The following SUMF1 variants were observed in gnomAD, a reference collection of about 807,000 sequenced individuals.
SUMF1 encodes the protein sulfatase modifying factor 1.
In SUMF1, 48 loss-of-function variants were observed where a neutral mutation model predicts 47.6. The ratio of observed to expected loss-of-function variants is 1.01; its 90% CI spans 0.80 to 1.28. SUMF1 has a LOEUF of 1.28. Among genes scored for constraint, SUMF1 ranks in the 50% most tolerant of loss-of-function variants. SUMF1 has a pLI of 0.00. For synonymous variants in SUMF1, 230 were observed against 192.1 expected, an observed-to-expected ratio of 1.20 and a Z score of -1.63; for missense variants, 571 against 485.4, an observed-to-expected ratio of 1.18 and a Z score of -1.66.
chr3:4,130,017 A>C (rs1693748812), intron 8 of SUMF1, among the ~76,000 whole-genome samples: 1 of 152,182 alleles, frequency 6.6e-6, no homozygotes, highest in Non-Finnish European at 1.5e-5. Context: ...GCCCCTACCT[A>C]GAAAAATAGT....
At chr3:4,402,026 G>T (rs1419892058) in intron 7 of SUMF1, among the ~76,000 whole-genome samples, 1 of 152,106 alleles carries the variant, frequency 6.6e-6, no homozygotes, top group Non-Finnish European at 1.5e-5. Flanking sequence ...ATATGTTGCA[G>T]AAAAACAAGA....
At chr3:4,165,434 G>T (rs568782784) in intron 8 of SUMF1, among the ~76,000 whole-genome samples, 2 of 152,068 alleles carry the variant, frequency 1.3e-5, no homozygotes, top group African/African-American at 4.8e-5. Flanking sequence ...CCTTCTGGGT[G>T]GGGGAGATTA....
At chr3:4,361,014 C>T (rs1699738515), downstream of SUMF1, 2 of 152,190 alleles carry the variant, frequency 1.3e-5, no homozygotes, top group Admixed American at 6.5e-5. Flanking sequence ...ACAAATTACC[C>T]ACATATCAAA....
intron 8 of SUMF1, among the ~76,000 whole-genome samples, chr3:4,275,924 G>C (rs186917458): frequency 1.1e-4 from 16 of 152,226 alleles, no homozygotes; most frequent in Admixed American, 6.5e-4. Context: ...AGAATCCTAA[G>C]AAAACCTGGA....
At chr3:4,324,065 G>T (rs565113414) in intron 8 of SUMF1, among the ~76,000 whole-genome samples, 1 of 152,246 alleles carries the variant, frequency 6.6e-6, no homozygotes, top group East Asian at 1.9e-4. Context: ...CAGCATAAGT[G>T]ATAGCTTATG....
At chr3:4,438,727 T>G (rs985411104) in intron 3 of SUMF1, among the ~76,000 whole-genome samples, 1 of 152,082 alleles carries the variant, frequency 6.6e-6, no homozygotes, top group African/African-American at 2.4e-5. Context: ...AACAACACTC[T>G]CAGCAATTAC....
At chr3:4,300,800 C>A (rs1048632044) in intron 8 of SUMF1, among the ~76,000 whole-genome samples, 3 of 152,084 alleles carry the variant, frequency 2.0e-5, no homozygotes, top group African/African-American at 7.2e-5. Flanking sequence ...AGTTCCCACC[C>A]CACTTTAAAG....
chr3:4,177,708 A>C (rs1694997512), intron 8 of SUMF1, among the ~76,000 whole-genome samples: 1 of 152,162 alleles, frequency 6.6e-6, no homozygotes, highest in African/African-American at 2.4e-5. Flanking sequence ...AGTGAAGGAG[A>C]TAGAGACACA....
chr3:4,095,815 T>C (rs1045317993), intron 8 of SUMF1, among the ~76,000 whole-genome samples: 1 of 152,154 alleles, frequency 6.6e-6, no homozygotes, highest in Non-Finnish European at 1.5e-5. Context: ...TACATAACTT[T>C]ATTATTTCTT....
chr3:4,378,111 ATAT>A (rs1218612277), intron 7 of SUMF1, among the ~76,000 whole-genome samples: 1 of 152,214 alleles, frequency 6.6e-6, no homozygotes. Context: ...TAAGTTGAAA[ATAT>A]TATTAAGTCA....
intron 8 of SUMF1, among the ~76,000 whole-genome samples, chr3:4,070,696 C>T (rs896650755): frequency 1.4e-4 from 22 of 151,856 alleles, no homozygotes; most frequent in African/African-American, 3.9e-4. Context: ...AGTGCAGTGG[C>T]GCCATCTTGG....
chr3:4,209,747 A>C (rs1331031281), intron 8 of SUMF1, among the ~76,000 whole-genome samples: 1 of 152,196 alleles, frequency 6.6e-6, no homozygotes, highest in East Asian at 1.9e-4. Context: ...TTTTAGAAAG[A>C]TAAGCATTTA....
intron 8 of SUMF1, among the ~76,000 whole-genome samples, chr3:4,368,127 A>T (rs1389237430): frequency 2.0e-5 from 3 of 152,230 alleles, no homozygotes; most frequent in African/African-American, 7.2e-5. Flanking sequence ...AATGAAGTCT[A>T]ACAAATTTAC....
chr3:4,213,781 T>C (rs756698705), intron 8 of SUMF1, among the ~76,000 whole-genome samples: 3 of 152,074 alleles, frequency 2.0e-5, no homozygotes, highest in Non-Finnish European at 4.4e-5. Flanking sequence ...TAAAACAGAC[T>C]TTAAACCAAC....
chr3:4,147,240 T>G (rs1174625375), intron 8 of SUMF1, among the ~76,000 whole-genome samples: 2 of 152,218 alleles, frequency 1.3e-5, no homozygotes, highest in East Asian at 3.9e-4. Context: ...GTTCAACCAT[T>G]GTGGAAGTCA....
chr3:4,422,767 CT>C (rs747104214), intron 3 of SUMF1, among the ~76,000 whole-genome samples: 3,806 of 149,660 alleles, frequency 0.025, 162 homozygotes, highest in African/African-American at 0.085. Flanking sequence ...TCTTTTCTTC[CT>C]TTTTTTTTTT....
chr3:4,161,366 G>T (rs1446860240), intron 8 of SUMF1, among the ~76,000 whole-genome samples: 1 of 152,126 alleles, frequency 6.6e-6, no homozygotes. Context: ...AGCCAGCAAG[G>T]CTTGTGTCCT....
chr3:4,331,926 A>G (rs1415210931), intron 8 of SUMF1, among the ~76,000 whole-genome samples: 2 of 152,256 alleles, frequency 1.3e-5, no homozygotes, highest in African/African-American at 2.4e-5. Flanking sequence ...GCCTTAAAAC[A>G]TCTGGTAGAG....
intron 3 of SUMF1, among the ~76,000 whole-genome samples, chr3:4,425,690 C>T (rs2125058377): frequency 6.6e-6 from 1 of 152,290 alleles, no homozygotes; most frequent in South Asian, 2.1e-4. Context: ...CTCTCTAAAG[C>T]AAGCAGCACC....
Sources: gnomAD v4.1 joint callset for allele counts (sites outside exome capture counted in the v4.1 genomes callset) on GRCh38, gnomAD v4.1.1 for gene constraint, MANE v1.5 for transcripts, NCBI Gene and HGNC (gene_info 2026-07-23, HGNC 2026-07-21) for gene names.